NADSYN1: variants seen among roughly 807,000 people sequenced by gnomAD.
NADSYN1 encodes glutamine-dependent NAD(+) synthetase.
NADSYN1 carries 80 observed loss-of-function variants against 99.3 expected under a neutral mutation model. That is an observed-to-expected ratio of 0.81 (90% CI 0.67 to 0.97). The LOEUF (loss-of-function observed/expected upper bound fraction) is 0.97. Ranked by LOEUF, NADSYN1 falls within the 50% of genes least tolerant of loss-of-function variation. The pLI, the probability that NADSYN1 is intolerant of heterozygous loss-of-function variation, is 0.00. For synonymous variants in NADSYN1, 385 were observed against 372.1 expected, an observed-to-expected ratio of 1.03 and a Z score of -0.40; for missense variants, 859 against 948.5, an observed-to-expected ratio of 0.91 and a Z score of 1.24.
chr11:71,494,413 C>A (rs1949805510), intron 18 of NADSYN1, among the ~76,000 whole-genome samples: 1 of 152,196 alleles, frequency 6.6e-6, no homozygotes, highest in Admixed American at 6.5e-5. Flanking sequence ...GAGGCTAGAC[C>A]ATCTGGATGT....
rs147929525 is a variant in NADSYN1 at position 71,478,431 on chromosome 11, C to T, written c.835C>T (p.Arg279Trp). Residue 279 changes from arginine to tryptophan, a missense_variant, in exon 10 of 21, where the codon CGG (arginine) becomes TGG (tryptophan). Physicochemically the swap from Arg to Trp is moderately radical, Grantham distance 101. Coordinates refer to ENST00000319023, the MANE Select transcript of NADSYN1 (RefSeq NM_018161.5). The part of the protein sequence containing the change: ...LTATLDLEDV[R>W]SYRAEISSRN... ...GGCCACGCTGGATCTGGAGGACGTC[C>T]GGAGCTACAGGGCGGAGATTTCATC... is the stretch of plus-strand genomic sequence containing the variant. 2,214 of 1,609,382 alleles carry T rather than the reference C, an allele frequency of 1.4e-3. 2 individuals carry two copies. The highest frequency in any genetic ancestry group is 1.8e-3 in the Non-Finnish European group (2,114 of 1,178,036).
At chr11:71,481,484 T>A in intron 12 of NADSYN1, 80 bp downstream of exon 12, 1 of 148,332 alleles carries the variant, frequency 6.7e-6, no homozygotes, top group Admixed American at 7.3e-5. Flanking sequence ...AGGGTAGGGA[T>A]TTTTTTTTTT....
intron 1 of NADSYN1, among the ~76,000 whole-genome samples, 167 bp downstream of exon 1, chr11:71,453,548 A>G (rs1029587442): frequency 2.6e-5 from 4 of 152,230 alleles, no homozygotes; most frequent in Non-Finnish European, 4.4e-5. Flanking sequence ...GTACGTGCTC[A>G]GGTCCTCGTC....
At position 71,474,466 on chromosome 11, in the gene NADSYN1, C is replaced by T. The variant is rs779773124; in HGVS notation, c.738C>T (p.Ala246=). The T allele has an allele frequency of 6.2e-7, 1 of 1,614,122 alleles. No individual in the cohort carries two copies. The highest frequency in any genetic ancestry group is 8.5e-7 in the Non-Finnish European group (1 of 1,179,964). The part of the protein sequence containing the change: ...DGDRLYYDGC[A]MIAMNGSVFA... ...ACCGCCTGTACTACGACGGCTGTGC[C>T]ATGATTGCCATGAACGGAAGCGTCT... The change falls in exon 9 of 21, where the codon GCC becomes GCT. Residue 246 remains alanine (A), a synonymous_variant. Coordinates refer to ENST00000319023, the MANE Select transcript of NADSYN1 (RefSeq NM_018161.5).
At chr11:71,471,459 G>A (rs934179297) in intron 5 of NADSYN1, among the ~76,000 whole-genome samples, 3 of 152,202 alleles carry the variant, frequency 2.0e-5, no homozygotes, top group African/African-American at 7.2e-5. Context: ...CTCAAGGTGT[G>A]CGCTGGCTGT....
chr11:71,474,821 G>A (rs577704525), intron 9 of NADSYN1: 10 of 404,520 alleles, frequency 2.5e-5, no homozygotes, highest in Non-Finnish European at 4.7e-5. Flanking sequence ...AATTTACCTG[G>A]TTGGTGAGGG....
intron 3 of NADSYN1, among the ~76,000 whole-genome samples, chr11:71,461,577 C>T (rs1259420578): frequency 3.3e-5 from 5 of 152,050 alleles, no homozygotes; most frequent in African/African-American, 1.2e-4. Context: ...TACAGGCATG[C>T]ACCACCACAC....
chr11:71,490,075 T>C (rs1949768851), intron 16 of NADSYN1, among the ~76,000 whole-genome samples: 1 of 152,136 alleles, frequency 6.6e-6, no homozygotes, highest in South Asian at 2.1e-4. Context: ...AGGTCCAGTA[T>C]GGGTCCCCTG....
intron 8 of NADSYN1, 120 bp from the exon 9 acceptor site, chr11:71,474,275 G>A: frequency 7.6e-7 from 1 of 1,321,366 alleles, no homozygotes; most frequent in Non-Finnish European, 1.1e-6. Context: ...TATCTCTGCG[G>A]TGGTGGGACC....
intron 12 of NADSYN1, chr11:71,481,619 G>A (rs780983407): frequency 8.8e-5 from 54 of 612,336 alleles, no homozygotes; most frequent in Non-Finnish European, 1.3e-4. Flanking sequence ...GAGGCTCAGC[G>A]GAACCCAGCC....
chr11:71,457,188 T>C (rs4944959), intron 2 of NADSYN1, among the ~76,000 whole-genome samples: 81,461 of 152,250 alleles, frequency 0.54, 25,606 homozygotes, highest in Non-Finnish European at 0.74. Context: ...TGAAAACCCA[T>C]GAAACGGATC....
chr11:71,493,963 C>T (rs1307969691), intron 18 of NADSYN1, among the ~76,000 whole-genome samples: 1 of 152,068 alleles, frequency 6.6e-6, no homozygotes, highest in Non-Finnish European at 1.5e-5. Context: ...GAAACCCTGT[C>T]TCTACCAAAA....
chr11:71,490,900 G>A lies in NADSYN1; in HGVS notation c.1618G>A (p.Gly540Ser), dbSNP rs568789665. ...DCSSADINPI[G>S]GISKTDLRAF... Reference sequence around the variant, plus strand: ...CTCCAGTGCGGACATCAACCCCATAGGCGGGATCAGCAAGACGGACCTCAG... The same window carrying A: ...CTCCAGTGCGGACATCAACCCCATAAGCGGGATCAGCAAGACGGACCTCAG... The change falls in exon 17 of 21, where the codon GGC (glycine) becomes AGC (serine). Residue 540 changes from glycine (G) to serine (S), a missense_variant. Coordinates refer to ENST00000319023, the MANE Select transcript of NADSYN1 (RefSeq NM_018161.5). 1.9e-6 allele frequency: 3 copies of A among 1,614,212 alleles called. No individual in the cohort carries two copies. The African/African-American group carries it at 4.0e-5, about 22-fold the overall frequency.
chr11:71,491,748 C>G, intron 17 of NADSYN1, 86 bp from the exon 18 acceptor site: 3 of 1,294,016 alleles, frequency 2.3e-6, no homozygotes, highest in African/African-American at 2.9e-5. Context: ...CCAGCGTACT[C>G]GGGAAACTTA....
intron 15 of NADSYN1, 33 bp downstream of exon 15, chr11:71,484,480 TG>T: frequency 6.3e-7 from 1 of 1,596,602 alleles, no homozygotes. Context: ...CCCCTGGGGG[TG>T]GGGGTGCAGG....
chr11:71,462,690 G>A (rs1949558165), intron 3 of NADSYN1, among the ~76,000 whole-genome samples: 1 of 152,146 alleles, frequency 6.6e-6, no homozygotes, highest in Non-Finnish European at 1.5e-5. Context: ...GGCTGGAATT[G>A]GAACTCCACA....
At chr11:71,478,795 G>A in intron 10 of NADSYN1, 1 of 297,206 alleles carries the variant, frequency 3.4e-6, no homozygotes, top group Non-Finnish European at 6.7e-6. Context: ...AGGCCTCAAG[G>A]TGAGGGGTGG....
chr11:71,464,834 C>T (rs1376534330), intron 5 of NADSYN1, among the ~76,000 whole-genome samples: 7 of 140,170 alleles, frequency 5.0e-5, no homozygotes, highest in African/African-American at 1.9e-4. Context: ...CGCCACTGCA[C>T]TCCAGCCTGA....
At chr11:71,477,701 G>A (rs1949678603) in intron 9 of NADSYN1, among the ~76,000 whole-genome samples, 1 of 152,230 alleles carries the variant, frequency 6.6e-6, no homozygotes, top group Non-Finnish European at 1.5e-5. Context: ...GTCACCTCCT[G>A]TGACACAGGC....
Sources: gnomAD v4.1 joint callset for allele counts (sites outside exome capture counted in the v4.1 genomes callset) on GRCh38, gnomAD v4.1.1 for gene constraint, MANE v1.5 for transcripts, NCBI Gene and HGNC (gene_info 2026-07-23, HGNC 2026-07-21) for gene names.